Variants in LIMS1 observed in about 807,000 individuals in gnomAD.
The protein encoded by LIMS1 is LIM and senescent cell antigen-like-containing domain protein 1.
Under a neutral mutation model 44.1 loss-of-function variants are expected in LIMS1, and 18 were observed. That is an observed-to-expected ratio of 0.41 (90% CI 0.28 to 0.61). The LOEUF (loss-of-function observed/expected upper bound fraction) is 0.61. Among genes scored for constraint, LIMS1 ranks in the 20% least tolerant of loss-of-function variants. LIMS1 has a pLI of 0.32. For synonymous variants in LIMS1, 93 were observed against 149.1 expected (o/e 0.62, Z 2.74); for missense variants, 201 against 422.0 (o/e 0.48, Z 4.59).
chr2:108,616,779 T>TATA (rs1176635132), intron 1 of LIMS1, among the ~76,000 whole-genome samples: 1 of 152,162 alleles, frequency 6.6e-6, no homozygotes, highest in African/African-American at 2.4e-5. Context: ...CTGCAGCAGA[T>TATA]ATATAGCCCT....
At chr2:108,577,694 G>A (rs933209349) in intron 1 of LIMS1, among the ~76,000 whole-genome samples, 1 of 152,050 alleles carries the variant, frequency 6.6e-6, no homozygotes, top group African/African-American at 2.4e-5. Context: ...AATCTATATT[G>A]TAGTACTTTA....
At chr2:108,558,675 ATT>A (rs5833291) in intron 1 of LIMS1, among the ~76,000 whole-genome samples, 1 of 143,376 alleles carries the variant, frequency 7.0e-6, no homozygotes, top group Non-Finnish European at 1.5e-5. Flanking sequence ...TTTATTTTTA[ATT>A]TTTTTTTTTT....
chr2:108,639,985 T>G (rs796706127), intron 1 of LIMS1, among the ~76,000 whole-genome samples: 14 of 152,332 alleles, frequency 9.2e-5, no homozygotes, highest in African/African-American at 3.4e-4. Context: ...AAACTGAGGC[T>G]TGCCATTGTT....
At chr2:108,558,309 G>T (rs975752527) in intron 1 of LIMS1, among the ~76,000 whole-genome samples, 3 of 150,884 alleles carry the variant, frequency 2.0e-5, no homozygotes, top group Non-Finnish European at 4.4e-5. Flanking sequence ...GCTCCACCTC[G>T]TGGGTTCACG....
At chr2:108,564,399 G>T (rs531057497) in intron 1 of LIMS1, among the ~76,000 whole-genome samples, 1 of 152,072 alleles carries the variant, frequency 6.6e-6, no homozygotes, top group Non-Finnish European at 1.5e-5. Context: ...ATTGTGATAC[G>T]CACTCCATTG....
intron 1 of LIMS1, among the ~76,000 whole-genome samples, chr2:108,559,585 C>A (rs1685044230): frequency 6.6e-6 from 1 of 152,176 alleles, no homozygotes; most frequent in South Asian, 2.1e-4. Context: ...AAAATCTAAT[C>A]TCTTTATAGG....
chr2:108,611,312 A>G (rs1027634854), intron 1 of LIMS1, among the ~76,000 whole-genome samples: 27 of 152,220 alleles, frequency 1.8e-4, no homozygotes, highest in African/African-American at 5.8e-4. Context: ...TTCTGGGCGC[A>G]TAAGAAGCAC....
At chr2:108,652,838 G>C (rs907309853) in intron 1 of LIMS1, among the ~76,000 whole-genome samples, 1 of 152,038 alleles carries the variant, frequency 6.6e-6, no homozygotes, top group Non-Finnish European at 1.5e-5. Flanking sequence ...GAGTCAGCCT[G>C]CCTCTGTCCC....
At chr2:108,555,482 C>T (rs780220229) in intron 1 of LIMS1, among the ~76,000 whole-genome samples, 35 of 152,266 alleles carry the variant, frequency 2.3e-4, no homozygotes, top group Admixed American at 2.6e-4. Flanking sequence ...TGGTTTATGC[C>T]AGTTTGACTT....
At chr2:108,676,468 T>C in intron 6 of LIMS1, 138 bp from the exon 7 acceptor site, 9 of 1,065,150 alleles carry the variant, frequency 8.4e-6, no homozygotes, top group South Asian at 1.7e-5. Context: ...TATTATATTA[T>C]GGGGCCACCT....
intron 1 of LIMS1, among the ~76,000 whole-genome samples, chr2:108,606,074 A>T (rs1687254863): frequency 6.6e-6 from 1 of 152,228 alleles, no homozygotes; most frequent in Admixed American, 6.5e-5. Context: ...TGGCTGTTGT[A>T]GTCACTGAGT....
At chr2:108,561,000 G>A (rs1310265986) in intron 1 of LIMS1, among the ~76,000 whole-genome samples, 2 of 152,160 alleles carry the variant, frequency 1.3e-5, no homozygotes, top group Non-Finnish European at 2.9e-5. Flanking sequence ...CAATGGGTCA[G>A]AAGAAAGGTT....
chr2:108,563,147 A>G (rs895571774), intron 1 of LIMS1, among the ~76,000 whole-genome samples: 1 of 152,238 alleles, frequency 6.6e-6, no homozygotes, highest in Non-Finnish European at 1.5e-5. Context: ...TTGACAATGC[A>G]TCTGATCACC....
intron 2 of LIMS1, among the ~76,000 whole-genome samples, chr2:108,665,549 CAG>C (rs1286669203): frequency 1.3e-5 from 2 of 151,860 alleles, no homozygotes; most frequent in Admixed American, 6.6e-5. Flanking sequence ...TTTTTTGAGA[CAG>C]AGTTTCGCTC....
chr2:108,640,465 T>A (rs1030802633), intron 1 of LIMS1, among the ~76,000 whole-genome samples: 1 of 152,242 alleles, frequency 6.6e-6, no homozygotes, highest in African/African-American at 2.4e-5. Context: ...GGCCACACAG[T>A]GCTTTCAGAC....
chr2:108,638,655 G>A (rs1159032955), intron 1 of LIMS1, among the ~76,000 whole-genome samples: 2 of 152,078 alleles, frequency 1.3e-5, no homozygotes, highest in South Asian at 2.1e-4. Flanking sequence ...GCTGAGGCAC[G>A]AGAATCACTT....
intron 1 of LIMS1, among the ~76,000 whole-genome samples, chr2:108,551,780 C>CA (rs1348295571): frequency 1.4e-5 from 2 of 142,110 alleles, no homozygotes; most frequent in Non-Finnish European, 3.0e-5. Flanking sequence ...ATATCATATA[C>CA]AATATACAGA....
intron 1 of LIMS1, among the ~76,000 whole-genome samples, chr2:108,591,978 A>G (rs2438280): frequency 0.14 from 21,171 of 151,846 alleles, 1,602 homozygotes; most frequent in African/African-American, 0.16. Flanking sequence ...TATCTTTGGT[A>G]GAGACGAAGT....
intron 1 of LIMS1, among the ~76,000 whole-genome samples, chr2:108,618,902 G>A (rs1417185631): frequency 1.3e-5 from 2 of 152,056 alleles, no homozygotes; most frequent in African/African-American, 4.8e-5. Flanking sequence ...CTCAGCTGTG[G>A]CAGTTTCATC....
Sources: allele counts gnomAD v4.1 joint callset (sites outside exome capture counted in the v4.1 genomes callset), GRCh38; gene constraint gnomAD v4.1.1; transcripts MANE v1.5; gene names NCBI Gene and HGNC (gene_info 2026-07-23, HGNC 2026-07-21).